The following RIMBP2 variants were observed in gnomAD, a reference collection of about 807,000 sequenced individuals.
RIMBP2 encodes RIMS binding protein 2.
RIMBP2 carries 48 observed loss-of-function variants against 118.6 expected under a neutral mutation model. The observed-to-expected ratio is 0.40, with a 90% CI of 0.32 to 0.51. The LOEUF is 0.51. Ranked by LOEUF, RIMBP2 falls within the 20% of genes least tolerant of loss-of-function variation. The probability of loss-of-function intolerance (pLI) is 0.41; values close to 1 mark genes in which losing one functional copy is unlikely to be tolerated. For synonymous variants in RIMBP2, 762 were observed against 742.9 expected, an observed-to-expected ratio of 1.03 and a Z score of -0.42; for missense variants, 1,551 against 1,768.3, an observed-to-expected ratio of 0.88 and a Z score of 2.20.
At chr12:130,646,106 T>TCCCTCACCACCTCCCTCG in intron 1 of RIMBP2, among the ~76,000 whole-genome samples, 1 of 51,146 alleles carries the variant, frequency 2.0e-5, no homozygotes, top group Non-Finnish European at 3.8e-5. Context: ...CACCTCCCTC[T>TCCCTCACCACCTCCCTCG]CCACCTCCCT....
At chr12:130,510,328 T>C (rs1315362451) in intron 3 of RIMBP2, among the ~76,000 whole-genome samples, 1 of 151,868 alleles carries the variant, frequency 6.6e-6, no homozygotes, top group African/African-American at 2.4e-5. Flanking sequence ...TGCAGTGACT[T>C]AAGGCAATAA....
chr12:130,598,087 T>C (rs2059658028), intron 2 of RIMBP2, among the ~76,000 whole-genome samples: 1 of 152,230 alleles, frequency 6.6e-6, no homozygotes, highest in African/African-American at 2.4e-5. Context: ...TGTCACTATA[T>C]ACTAGCCACA....
intron 4 of RIMBP2, among the ~76,000 whole-genome samples, chr12:130,490,122 T>TA (rs1566133873): frequency 1.4e-3 from 118 of 82,810 alleles, no homozygotes; most frequent in East Asian, 2.4e-3. Context: ...AGACTCTGTC[T>TA]CAAAAAAAAA....
At chr12:130,512,688 T>C (rs754132512) in intron 3 of RIMBP2, among the ~76,000 whole-genome samples, 36 of 152,066 alleles carry the variant, frequency 2.4e-4, no homozygotes, top group Non-Finnish European at 2.9e-4. Flanking sequence ...GCCAAATCAG[T>C]CTCCTACTAA....
intron 1 of RIMBP2, among the ~76,000 whole-genome samples, chr12:130,685,146 C>A (rs1022727389): frequency 6.6e-6 from 1 of 152,186 alleles, no homozygotes; most frequent in African/African-American, 2.4e-5. Context: ...ACACCGGGGA[C>A]AATGTCTGCT....
At chr12:130,399,845 T>C (rs1199887088) in intron 21 of RIMBP2, 32 bp from the exon 22 acceptor site, 1 of 1,611,836 alleles carries the variant, frequency 6.2e-7, no homozygotes, top group Admixed American at 1.7e-5. Flanking sequence ...AGAAGAACTA[T>C]TTATTTTTCT....
chr12:130,676,384 G>A (rs1272623324), intron 1 of RIMBP2, among the ~76,000 whole-genome samples: 8 of 150,604 alleles, frequency 5.3e-5, no homozygotes, highest in Non-Finnish European at 1.2e-4. Context: ...CAGCACTTTC[G>A]GAGGCCAAGG....
At chr12:130,401,003 CAA>C (rs529876912) in intron 21 of RIMBP2, among the ~76,000 whole-genome samples, 22 of 152,306 alleles carry the variant, frequency 1.4e-4, no homozygotes, top group African/African-American at 4.1e-4. Context: ...CTGTTGAAAA[CAA>C]GATGGCAGTT....
chr12:130,438,334 A>ATCCGGGGGCCCCCCCC, intron 12 of RIMBP2, 31 bp downstream of exon 12: 1 of 1,344,516 alleles, frequency 7.4e-7, no homozygotes, highest in Non-Finnish European at 1.1e-6. Flanking sequence ...GGGCCTAACA[A>ATCCGGGGGCCCCCCCC]ACCCTCCCCA....
chr12:130,705,980 G>A (rs1000229547), intron 1 of RIMBP2, among the ~76,000 whole-genome samples: 4 of 152,316 alleles, frequency 2.6e-5, no homozygotes, highest in East Asian at 1.9e-4. Context: ...AATACACTGC[G>A]GAAGCATCTA....
intron 2 of RIMBP2, among the ~76,000 whole-genome samples, chr12:130,528,366 G>A (rs1404239243): frequency 6.6e-6 from 1 of 152,188 alleles, no homozygotes; most frequent in Non-Finnish European, 1.5e-5. Flanking sequence ...AACACCACAT[G>A]TTCTCACTTA....
At chr12:130,685,199 T>C (rs2064984076) in intron 1 of RIMBP2, among the ~76,000 whole-genome samples, 1 of 152,138 alleles carries the variant, frequency 6.6e-6, no homozygotes, top group African/African-American at 2.4e-5. Flanking sequence ...AATAATAATA[T>C]GGAATTACAG....
chr12:130,499,282 T>C (rs10848120), intron 4 of RIMBP2, among the ~76,000 whole-genome samples: 80,828 of 151,868 alleles, frequency 0.53, 21,705 homozygotes, highest in East Asian at 0.73. Context: ...GGTGGGGACA[T>C]AGAGCCAAAC....
At chr12:130,542,515 A>G (rs2054711034) in intron 2 of RIMBP2, among the ~76,000 whole-genome samples, 1 of 152,230 alleles carries the variant, frequency 6.6e-6, no homozygotes, top group Non-Finnish European at 1.5e-5. Flanking sequence ...GAAACAGCCA[A>G]TCAAATTTGA....
chr12:130,571,212 G>T, intron 2 of RIMBP2, among the ~76,000 whole-genome samples: 1 of 139,756 alleles, frequency 7.2e-6, no homozygotes, highest in African/African-American at 2.6e-5. Flanking sequence ...AGAGATGGGG[G>T]GGAGAGAAGT....
chr12:130,519,046 A>G (rs2051785515), intron 2 of RIMBP2, among the ~76,000 whole-genome samples: 1 of 152,252 alleles, frequency 6.6e-6, no homozygotes, highest in South Asian at 2.1e-4. Context: ...ACCAGCTACC[A>G]GCTGTCAGGC....
intron 2 of RIMBP2, among the ~76,000 whole-genome samples, chr12:130,527,374 T>C (rs1384439148): frequency 1.3e-5 from 2 of 152,230 alleles, no homozygotes; most frequent in African/African-American, 4.8e-5. Flanking sequence ...CTCAGTTCCC[T>C]TCTATTTTCA....
intron 7 of RIMBP2, among the ~76,000 whole-genome samples, chr12:130,451,596 A>G (rs1026385162): frequency 6.6e-6 from 1 of 152,252 alleles, no homozygotes; most frequent in African/African-American, 2.4e-5. Context: ...GGATGGTCCC[A>G]GGCAGAGGGA....
At position 130,611,844 on chromosome 12, in the gene RIMBP2, G is replaced by A. The variant is rs377430349; in HGVS notation, c.-217+16478C>T. On this transcript the variant is annotated intron_variant, in intron 2 of 22. Coordinates refer to ENST00000690449, the MANE Select transcript of RIMBP2 (RefSeq NM_001393629.1). ...CTGCCTGTTACACGAAGGCTGTGGT[G>A]GAAAAAGTTCTCTGCCATGCAGGGC... 3.2e-4 allele frequency among the ~76,000 whole-genome samples: 49 copies of A among 152,296 alleles called. 3 individuals carry two copies. The East Asian group carries it at 8.1e-3, about 25-fold the overall frequency.
Sources: gnomAD v4.1 joint callset for allele counts (sites outside exome capture counted in the v4.1 genomes callset) on GRCh38, gnomAD v4.1.1 for gene constraint, MANE v1.5 for transcripts, NCBI Gene and HGNC (gene_info 2026-07-23, HGNC 2026-07-21) for gene names.